MAP4: variants seen among roughly 807,000 people sequenced by gnomAD.
MAP4 encodes the protein microtubule associated protein 4.
A neutral mutation model predicts 170.2 loss-of-function variants in MAP4; 76 were observed. That is an observed-to-expected ratio of 0.45 (90% CI 0.37 to 0.54). The LOEUF is 0.54. Among genes scored for constraint, MAP4 ranks in the 20% least tolerant of loss-of-function variants. The probability of loss-of-function intolerance (pLI) is 0.00; values close to 1 mark genes in which losing one functional copy is unlikely to be tolerated. For missense variants in MAP4, 2,506 were observed against 2,748.0 expected, an observed-to-expected ratio of 0.91 and a Z score of 1.97; for synonymous variants, 909 against 994.5, an observed-to-expected ratio of 0.91 and a Z score of 1.62.
rs965733747 is a variant in MAP4 at position 47,911,470 on chromosome 3, C to T, written c.2951G>A (p.Cys984Tyr). 6.5e-7 allele frequency: 1 copy of T among 1,536,020 alleles called. No individual in the cohort carries two copies. Among genetic ancestry groups the T allele is most frequent in the Middle Eastern group, 1.7e-4 (1 of 5,990 alleles). ...PTLIASNPLECNLKEGNNESK... is the reference protein window; with the variant it reads ...PTLIASNPLEYNLKEGNNESK... ...TTCATTATTCCCTTCTTTTAGATTA[C>T]ATTCTAATGGATTACTTGCTATCAA... is the stretch of plus-strand genomic sequence containing the variant. The change falls in exon 9 of 21, where the codon TGT becomes TAT. Residue 984 changes from cysteine to tyrosine, a missense_variant. Coordinates refer to ENST00000683076, the MANE Select transcript of MAP4 (RefSeq NM_001385682.1). This position sits in a 1 kb window ranked among gnomAD's most constrained non-coding sequence, Gnocchi z 4.0.
chr3:48,067,349 AT>A (rs944930368), intron 1 of MAP4, among the ~76,000 whole-genome samples: 3 of 151,836 alleles, frequency 2.0e-5, no homozygotes, highest in African/African-American at 7.2e-5. Context: ...ATATTTTTAA[AT>A]TTTTTTTGGC....
chr3:47,897,349 A>T (rs903158902), intron 10 of MAP4, among the ~76,000 whole-genome samples: 3 of 151,936 alleles, frequency 2.0e-5, no homozygotes, highest in Non-Finnish European at 2.9e-5. Flanking sequence ...CTGGTCTTGA[A>T]CTTCTGACCT....
rs1178973732 is a variant in MAP4, at chr3:47,938,666, G to A, written c.293-10316C>T. On this transcript the variant is annotated intron_variant, in intron 3 of 20. Transcript: ENST00000683076. Reference sequence around the variant, plus strand: ...CCCAAAGTGCTAGGATTACATGCATGAGCCTCTATACCAGGCCCATATTTG... The same window carrying A: ...CCCAAAGTGCTAGGATTACATGCATAAGCCTCTATACCAGGCCCATATTTG... 3.3e-5 allele frequency among the ~76,000 whole-genome samples: 5 copies of A among 152,212 alleles called. No individual in the cohort carries two copies. The South Asian group carries it at 6.2e-4, about 19-fold the overall frequency.
At chr3:48,049,143 T>C (rs1374181191) in intron 1 of MAP4, among the ~76,000 whole-genome samples, 3 of 152,250 alleles carry the variant, frequency 2.0e-5, no homozygotes, top group African/African-American at 7.2e-5. Flanking sequence ...TTCCATGCTA[T>C]GGATGTCATA....
chr3:47,960,788 ACTT>A (rs1045994450), intron 3 of MAP4: 1 of 180,948 alleles, frequency 5.5e-6, no homozygotes, highest in African/African-American at 2.4e-5. Flanking sequence ...CCAAATGACA[ACTT>A]CTGAGTCAGC....
At chr3:48,040,821 A>T (rs1447177013) in intron 1 of MAP4, among the ~76,000 whole-genome samples, 3 of 152,102 alleles carry the variant, frequency 2.0e-5, no homozygotes, top group African/African-American at 4.8e-5. Context: ...TCAGCCTCCC[A>T]AAGTGCTGGG....
chr3:47,886,236 T>C (rs1327782149), intron 10 of MAP4, among the ~76,000 whole-genome samples: 3 of 152,226 alleles, frequency 2.0e-5, no homozygotes, highest in Admixed American at 6.5e-5. Context: ...AACTGCTTTC[T>C]CTCTCCCAGA....
In MAP4 at chr3:47,912,223, C is replaced by T. The variant is rs1346539188; in HGVS notation, c.2198G>A (p.Cys733Tyr). 3 of 1,536,134 alleles carry T rather than the reference C, an allele frequency of 2.0e-6. No homozygotes were observed. The highest frequency in any genetic ancestry group is 2.6e-6 in the Non-Finnish European group (3 of 1,146,898). ...TTTTCTTTGGTTCCCAGGCCCACCA[C>T]AGGAGGATGAACCAGAGACCCAACC... ...ESGWVSGSSS[C>Y]GGPGNQRKSI... is the part of the protein sequence containing the mutation. Residue 733 changes from cysteine (C) to tyrosine (Y), a missense_variant, in exon 9 of 21, where the codon TGT becomes TAT. By Grantham distance (194) the Cys-to-Tyr change is radical. Around this residue, in one of 3 missense-constraint regions of MAP4, gnomAD observed 2,008 missense variants for 2,206.0 expected, o/e 0.91. Coordinates refer to ENST00000683076, the MANE Select transcript of MAP4 (RefSeq NM_001385682.1).
At position 47,997,266 on chromosome 3, in the gene MAP4, C is replaced by CAG. The variant is rs2100096280; in HGVS notation, c.223+1370_223+1371dup. 2.4e-5 allele frequency among the ~76,000 whole-genome samples: 3 copies of CAG among 126,848 alleles called. No homozygotes were observed. In the South Asian group the frequency reaches 7.6e-4, roughly 32 times the overall value. The allele number at this position is 126,848 out of a possible 152,430, so 83.2% of individuals were successfully genotyped here. Reference sequence around the variant, plus strand: ...CTTCAAAAGCACAGATCAAGAAGCTCAGAAAAGCCCAAGAAGAAAACTTCC... The same window carrying CAG: ...CTTCAAAAGCACAGATCAAGAAGCTCAGAGAAAAGCCCAAGAAGAAAACTTCC... On this transcript the variant is annotated intron_variant, in intron 2 of 20. Coordinates refer to ENST00000683076, the MANE Select transcript of MAP4 (RefSeq NM_001385682.1).
rs186022271 is a variant in MAP4 at position 47,937,618 on chromosome 3, T to C, written c.293-9268A>G. Among the ~76,000 whole-genome samples, 29 of 151,988 alleles carry C rather than the reference T, an allele frequency of 1.9e-4. 1 individual carries two copies. The East Asian group carries it at 5.6e-3, about 29-fold the overall frequency. On this transcript the variant is annotated intron_variant, in intron 3 of 20. Coordinates refer to ENST00000683076, the MANE Select transcript of MAP4 (RefSeq NM_001385682.1). ...AAGGTAGGAATCAATCTCAGAACCTTTGGCTACCTTCAAGAACAGCTTTTC... is the reference window on the plus strand; with the variant it reads ...AAGGTAGGAATCAATCTCAGAACCTCTGGCTACCTTCAAGAACAGCTTTTC...
chr3:48,079,848 G>T (rs1176448502), intron 1 of MAP4, among the ~76,000 whole-genome samples: 1 of 151,898 alleles, frequency 6.6e-6, no homozygotes, highest in Non-Finnish European at 1.5e-5. Context: ...TACTCGGGAG[G>T]CTGAGGCAGG....
chr3:47,949,541 T>C (rs997988879), intron 3 of MAP4, among the ~76,000 whole-genome samples: 2 of 143,602 alleles, frequency 1.4e-5, no homozygotes, highest in African/African-American at 2.6e-5. Context: ...ATCAACAACA[T>C]AGTACCAGGA....
chr3:47,966,706 C>T (rs1302789739), intron 3 of MAP4, among the ~76,000 whole-genome samples: 1 of 152,120 alleles, frequency 6.6e-6, no homozygotes, highest in African/African-American at 2.4e-5. Flanking sequence ...TGTGGATATC[C>T]AGTTTTCCCC....
At chr3:48,005,009 C>A (rs1236476267) in intron 1 of MAP4, among the ~76,000 whole-genome samples, 7 of 152,158 alleles carry the variant, frequency 4.6e-5, no homozygotes, top group Non-Finnish European at 1.5e-5. Flanking sequence ...TCAAGTCCCA[C>A]AGGTCCCTAG....
At position 47,898,456 on chromosome 3, in the gene MAP4, C is replaced by T. The variant is rs566830332; in HGVS notation, c.5434+4494G>A. On this transcript the variant is annotated intron_variant, in intron 10 of 20. Transcript: ENST00000683076. ...GGCAGAGGTTGCAGTGAGCTGAGAT[C>T]GCGCCACTGCACTCCAGCCTGCCAA... is the stretch of plus-strand genomic sequence containing the variant. 6.6e-5 allele frequency among the ~76,000 whole-genome samples: 10 copies of T among 151,226 alleles called. No homozygotes were observed. The South Asian group carries it at 1.9e-3, about 28-fold the overall frequency.
rs534988573 is a variant in MAP4 at position 47,889,458 on chromosome 3, G to C, written c.5435-11935C>G. Among the ~76,000 whole-genome samples the C allele has an allele frequency of 3.9e-5, 6 of 152,340 alleles. No homozygotes were observed. In the East Asian group the frequency reaches 1.2e-3, roughly 29 times the overall value. ...CCAACTGGATCAAAAGTTGCTTGAGGATAAGGATAATTTCCAGTGCCTAGA... is the reference window on the plus strand; with the variant it reads ...CCAACTGGATCAAAAGTTGCTTGAGCATAAGGATAATTTCCAGTGCCTAGA... On this transcript the variant is annotated intron_variant, in intron 10 of 20. Coordinates refer to ENST00000683076, the MANE Select transcript of MAP4 (RefSeq NM_001385682.1).
intron 10 of MAP4, among the ~76,000 whole-genome samples, chr3:47,878,594 C>G (rs2096002356): frequency 6.6e-6 from 1 of 152,160 alleles, no homozygotes; most frequent in Admixed American, 6.5e-5. Context: ...GGCTGGAGTG[C>G]AATGCTGCGA....
At chr3:48,012,676 A>G (rs958182899) in intron 1 of MAP4, among the ~76,000 whole-genome samples, 4 of 151,250 alleles carry the variant, frequency 2.6e-5, no homozygotes, top group Non-Finnish European at 4.4e-5. Flanking sequence ...CCAGCCACAC[A>G]CTCTCAGATG....
intron 10 of MAP4, among the ~76,000 whole-genome samples, chr3:47,879,436 GAAAT>G (rs1312137362): frequency 5.9e-5 from 9 of 152,278 alleles, no homozygotes; most frequent in African/African-American, 2.2e-4. Context: ...AAAACTTTGA[GAAAT>G]AATTACAGAT....
Sources: allele counts gnomAD v4.1 joint callset (sites outside exome capture counted in the v4.1 genomes callset), GRCh38; gene constraint gnomAD v4.1.1; regional missense constraint gnomAD v4.1.1; non-coding constraint Gnocchi (gnomAD v3.1); transcripts MANE v1.5; gene names NCBI Gene and HGNC (gene_info 2026-07-23, HGNC 2026-07-21).